The following SLCO1C1 variants were observed in gnomAD, a reference collection of about 807,000 sequenced individuals.
SLCO1C1 encodes the protein solute carrier organic anion transporter family member 1C1, also known as OAT-RP-5.
SLCO1C1 carries 70 observed loss-of-function variants against 76.4 expected under a neutral mutation model. The observed-to-expected ratio is 0.92, with a 90% confidence interval of 0.76 to 1.12. SLCO1C1 has a LOEUF of 1.12. Ranked by LOEUF, SLCO1C1 falls within the 50% of genes most tolerant of loss-of-function variation. SLCO1C1 has a pLI of 0.00. For missense variants in SLCO1C1, 912 were observed against 823.8 expected (o/e 1.11, Z -1.31); for synonymous variants, 306 against 286.1 (o/e 1.07, Z -0.70).
At chr12:20,706,182 T>A in intron 4 of SLCO1C1, 101 bp downstream of exon 4, 1 of 1,359,692 alleles carries the variant, frequency 7.4e-7, no homozygotes, top group Non-Finnish European at 9.8e-7. Context: ...TAACCCATGA[T>A]AACTTTGTCT....
In SLCO1C1 at chr12:20,750,764, T is replaced by C; in HGVS notation, c.1888T>C (p.Cys630Arg). 6.2e-7 allele frequency: 1 copy of C among 1,614,054 alleles called. No homozygotes were observed. The highest frequency in any genetic ancestry group is 8.5e-7 in the Non-Finnish European group (1 of 1,179,932). The change falls in exon 14 of 15, where the codon TGC (cysteine) becomes CGC (arginine). Residue 630 changes from cysteine (C) to arginine (R), a missense_variant. Transcript: ENST00000266509. The stretch of plus-strand genomic sequence containing the variant: ...TAAAAGATGTGGAAGTAGAGGATCA[T>C]GCAGATTATATGATTCAAATGTCTT... Reference protein sequence around the residue: ...GFKRCGSRGSCRLYDSNVFRH... With the variant: ...GFKRCGSRGSRRLYDSNVFRH...
At position 20,711,386 on chromosome 12, in the gene SLCO1C1, G is replaced by A. The variant is rs889867727; in HGVS notation, c.405G>A (p.Gln135=). The change falls in exon 5 of 15, where the codon CAG becomes CAA. Residue 135 remains glutamine (Q), a splice_region_variant and synonymous_variant. Transcript: ENST00000266509. The part of the protein sequence containing the change: ...LIAMPQFFME[Q]YKYERYSPSS... ...TGAAGAAAACATTCCTCTTATGCAG[G>A]TACAAATATGAGAGATATTCTCCTT... 14 of 1,611,452 alleles carry A rather than the reference G, an allele frequency of 8.7e-6. No homozygotes were observed. The highest frequency in any genetic ancestry group is 1.1e-5 in the Non-Finnish European group (13 of 1,178,948).
chr12:20,726,368 G>T (rs547804511), intron 9 of SLCO1C1, among the ~76,000 whole-genome samples: 287 of 151,974 alleles, frequency 1.9e-3, no homozygotes, highest in Non-Finnish European at 3.4e-3. Context: ...ACATACCATG[G>T]AGGGGTAAAT....
At chr12:20,735,087 C>A (rs1409653276) in intron 10 of SLCO1C1, among the ~76,000 whole-genome samples, 1 of 152,132 alleles carries the variant, frequency 6.6e-6, no homozygotes, top group Non-Finnish European at 1.5e-5. Context: ...CCCAATGATT[C>A]CTGCCCCTGA....
intron 1 of SLCO1C1, chr12:20,697,522 G>A (rs1048525961): frequency 6.6e-6 from 1 of 152,000 alleles, no homozygotes; most frequent in Non-Finnish European, 1.5e-5. Flanking sequence ...TAGTGACTCA[G>A]TAGATATAGG....
intron 9 of SLCO1C1, among the ~76,000 whole-genome samples, chr12:20,723,658 T>A (rs1012144510): frequency 3.9e-5 from 6 of 152,180 alleles, no homozygotes; most frequent in Admixed American, 3.3e-4. Flanking sequence ...AAAACTTTTC[T>A]GACTCCTGGC....
chr12:20,742,814 C>T (rs1258853169), intron 12 of SLCO1C1, among the ~76,000 whole-genome samples: 4 of 151,840 alleles, frequency 2.6e-5, no homozygotes, highest in East Asian at 1.9e-4. Flanking sequence ...GGATTACAGG[C>T]GTGAGCCACC....
rs1032915111 is a variant in SLCO1C1 at position 20,745,545 on chromosome 12, C to T, written c.1798+2176C>T. On this transcript the variant is annotated intron_variant, in intron 13 of 14. Transcript: ENST00000266509. ...AGTATAAAATAAAAAAATTCAAAGGCTGGGTGCGGTGGCTCATGCCTGTAA... is the reference window on the plus strand; with the variant it reads ...AGTATAAAATAAAAAAATTCAAAGGTTGGGTGCGGTGGCTCATGCCTGTAA... Among the ~76,000 whole-genome samples, 19 of 152,142 alleles carry T rather than the reference C, an allele frequency of 1.2e-4. 1 individual carries two copies. In the East Asian group the frequency reaches 3.1e-3, roughly 25 times the overall value.
chr12:20,723,108 A>G lies in SLCO1C1; in HGVS notation c.1040A>G (p.Lys347Arg). ...EMARDFLPSL[K>R]NLFGNPVYFL... ...TTTACAGATTTTCTTCCATCACTGAAGAATCTTTTTGGAAACCCAGTATAC... is the reference window on the plus strand; with the variant it reads ...TTTACAGATTTTCTTCCATCACTGAGGAATCTTTTTGGAAACCCAGTATAC... The change falls in exon 9 of 15, where the codon AAG becomes AGG. Residue 347 changes from lysine to arginine, a missense_variant. Coordinates refer to ENST00000266509, the MANE Select transcript of SLCO1C1 (RefSeq NM_017435.5). 1.2e-6 allele frequency: 2 copies of G among 1,603,670 alleles called. No homozygotes were observed. The highest frequency in any genetic ancestry group is 2.2e-5 in the East Asian group (1 of 44,594).
intron 11 of SLCO1C1, among the ~76,000 whole-genome samples, chr12:20,739,581 G>T (rs1164147043): frequency 6.6e-6 from 1 of 152,108 alleles, no homozygotes; most frequent in East Asian, 1.9e-4. Context: ...AGGGCAAAAT[G>T]GGGCCTTTGC....
chr12:20,707,039 A>G (rs937760317), intron 4 of SLCO1C1, among the ~76,000 whole-genome samples: 2 of 99,538 alleles, frequency 2.0e-5, no homozygotes, highest in Admixed American at 1.8e-4. Context: ...CACTTATGTA[A>G]GTACAGTCAG....
chr12:20,737,213 A>T lies in SLCO1C1; in HGVS notation c.1489A>T (p.Thr497Ser), dbSNP rs1464299256. ...WEPMCGENGI[T>S]YVSACLAGCQ... ...ACCCATGTGCGGTGAAAATGGAATC[A>T]CATATGTATCAGCTTGTCTTGCTGG... is the stretch of plus-strand genomic sequence containing the variant. Residue 497 changes from threonine to serine, a missense_variant, in exon 11 of 15, where the codon ACA becomes TCA. Thr to Ser is a moderately conservative substitution (Grantham distance 58). Coordinates refer to ENST00000266509, the MANE Select transcript of SLCO1C1 (RefSeq NM_017435.5). 1 of 1,570,938 alleles carries T rather than the reference A, an allele frequency of 6.4e-7. No homozygotes were observed. Among genetic ancestry groups the T allele is most frequent in the Non-Finnish European group, 8.6e-7 (1 of 1,165,668 alleles).
intron 5 of SLCO1C1, among the ~76,000 whole-genome samples, chr12:20,713,468 A>G (rs1377742309): frequency 5.3e-5 from 8 of 152,252 alleles, no homozygotes; most frequent in Non-Finnish European, 1.2e-4. Context: ...GCTTAGACTC[A>G]GTAATTAAAA....
At chr12:20,695,874 C>G (rs1170167454) in intron 1 of SLCO1C1, 67 bp downstream of exon 1, 1 of 151,978 alleles carries the variant, frequency 6.6e-6, no homozygotes, top group Non-Finnish European at 1.5e-5. Context: ...GAGATTAACC[C>G]TTAATTTCTG....
At chr12:20,726,026 T>A (rs1947966818) in intron 9 of SLCO1C1, among the ~76,000 whole-genome samples, 1 of 152,078 alleles carries the variant, frequency 6.6e-6, no homozygotes, top group Admixed American at 6.6e-5. Flanking sequence ...TGGTTTCACA[T>A]TAGTAAGTAT....
intron 14 of SLCO1C1, 93 bp downstream of exon 14, chr12:20,750,885 C>G: frequency 2.5e-6 from 4 of 1,612,774 alleles, no homozygotes; most frequent in Non-Finnish European, 3.4e-6. Context: ...TGTCATTTCA[C>G]TGCTTGTAAG....
chr12:20,749,818 T>C (rs1437539405), intron 13 of SLCO1C1, among the ~76,000 whole-genome samples: 1 of 152,190 alleles, frequency 6.6e-6, no homozygotes, highest in Non-Finnish European at 1.5e-5. Context: ...TGATGAGATG[T>C]AAAACAATGA....
chr12:20,744,827 G>A (rs950862547), intron 13 of SLCO1C1, among the ~76,000 whole-genome samples: 3 of 152,028 alleles, frequency 2.0e-5, no homozygotes, highest in East Asian at 3.8e-4. Context: ...ATGAATAGGC[G>A]CAATAATTGT....
At chr12:20,713,208 T>C (rs1391657158) in intron 5 of SLCO1C1, among the ~76,000 whole-genome samples, 1 of 150,944 alleles carries the variant, frequency 6.6e-6, no homozygotes, top group Admixed American at 6.6e-5. Context: ...GCCTCCCGAG[T>C]AGCTGGGACT....
Sources: gnomAD v4.1 joint callset for allele counts (sites outside exome capture counted in the v4.1 genomes callset) on GRCh38, gnomAD v4.1.1 for gene constraint, MANE v1.5 for transcripts, NCBI Gene and HGNC (gene_info 2026-07-23, HGNC 2026-07-21) for gene names.